The following SDK1 variants were observed in gnomAD, a reference collection of about 807,000 sequenced individuals.
SDK1 encodes sidekick cell adhesion molecule 1.
Under a neutral mutation model 245.5 loss-of-function variants are expected in SDK1, and 157 were observed. The ratio of observed to expected loss-of-function variants is 0.64; its 90% confidence interval spans 0.56 to 0.73. SDK1 has a LOEUF of 0.73. SDK1 is among the 30% of genes least tolerant of loss of function. The probability of loss-of-function intolerance (pLI) is 0.00; values close to 1 mark genes in which losing one functional copy is unlikely to be tolerated. For missense variants in SDK1, 3,583 were observed against 3,002.3 expected (o/e 1.19, Z -4.52); for synonymous variants, 1,647 against 1,278.5 (o/e 1.29, Z -6.15).
chr7:3,942,294 G>A (rs951798257), intron 5 of SDK1, among the ~76,000 whole-genome samples: 3 of 152,084 alleles, frequency 2.0e-5, no homozygotes, highest in Non-Finnish European at 2.9e-5. Context: ...TAAGACATGC[G>A]TCCCTCCTTA....
At chr7:3,759,339 T>G (rs1780026554) in intron 4 of SDK1, among the ~76,000 whole-genome samples, 1 of 152,142 alleles carries the variant, frequency 6.6e-6, no homozygotes, top group African/African-American at 2.4e-5. Flanking sequence ...AGAAACATTT[T>G]TAAAAGAGCA....
rs879129773 is a variant in SDK1 at position 3,951,045 on chromosome 7, C to A, written c.959+11C>A. ...TATAGCCAGTGCCAGGTACGAGGCG[C>A]GTCTCCTGTGAGACTCCTAGTAAAT... On this transcript the variant is annotated intron_variant, in intron 6 of 44. Coordinates refer to ENST00000404826, the MANE Select transcript of SDK1 (RefSeq NM_152744.4). 3 of 1,575,450 alleles carry A rather than the reference C, an allele frequency of 1.9e-6. No individual in the cohort carries two copies. The highest frequency in any genetic ancestry group is 2.6e-6 in the Non-Finnish European group (3 of 1,144,822).
intron 4 of SDK1, among the ~76,000 whole-genome samples, chr7:3,688,353 TG>T (rs1784350728): frequency 1.3e-5 from 2 of 152,248 alleles, no homozygotes; most frequent in Admixed American, 6.5e-5. Context: ...TACCAGTTTC[TG>T]GTCTTACGCC....
At chr7:3,590,854 A>G (rs933735208) in intron 1 of SDK1, among the ~76,000 whole-genome samples, 2 of 144,374 alleles carry the variant, frequency 1.4e-5, no homozygotes, top group African/African-American at 2.6e-5. Context: ...ATGATCGTAG[A>G]TTACTGTGGC....
intron 1 of SDK1, among the ~76,000 whole-genome samples, chr7:3,369,171 A>G (rs553740796): frequency 5.9e-5 from 9 of 151,984 alleles, no homozygotes; most frequent in Non-Finnish European, 2.9e-5. Flanking sequence ...CAGTTTCCTT[A>G]GTAGCTGGGA....
At chr7:3,929,867 T>A (rs10240160) in intron 5 of SDK1, among the ~76,000 whole-genome samples, 59,044 of 152,012 alleles carry the variant, frequency 0.39, 13,030 homozygotes, top group African/African-American at 0.61. Flanking sequence ...TGCAGGCTGT[T>A]CATGGTGCCA....
intron 4 of SDK1, among the ~76,000 whole-genome samples, chr7:3,779,635 AAAGTT>A (rs1780666479): frequency 6.6e-6 from 1 of 152,208 alleles, no homozygotes; most frequent in African/African-American, 2.4e-5. Context: ...AAAAAATAAT[AAAGTT>A]AAGATGATGA....
intron 1 of SDK1, among the ~76,000 whole-genome samples, chr7:3,391,521 A>T (rs1215936325): frequency 6.6e-6 from 1 of 152,146 alleles, no homozygotes; most frequent in African/African-American, 2.4e-5. Context: ...TCTTTCCACA[A>T]AGGAATTATT....
chr7:3,459,097 A>G (rs991390159), intron 1 of SDK1, among the ~76,000 whole-genome samples: 1 of 152,188 alleles, frequency 6.6e-6, no homozygotes, highest in Non-Finnish European at 1.5e-5. Context: ...GACCTGGGAC[A>G]ATTGACATCA....
chr7:3,677,927 C>G (rs1287896168), intron 4 of SDK1, among the ~76,000 whole-genome samples: 1 of 152,106 alleles, frequency 6.6e-6, no homozygotes, highest in Non-Finnish European at 1.5e-5. Flanking sequence ...GTGTAAAGAA[C>G]CCCTACAACT....
intron 4 of SDK1, among the ~76,000 whole-genome samples, chr7:3,789,796 A>G (rs1038675398): frequency 6.6e-6 from 1 of 152,128 alleles, no homozygotes; most frequent in Non-Finnish European, 1.5e-5. Flanking sequence ...CCTTTGCAGG[A>G]TAGAAAGCAC....
At chr7:3,510,429 T>C (rs7808972) in intron 1 of SDK1, among the ~76,000 whole-genome samples, 44,216 of 152,066 alleles carry the variant, frequency 0.29, 6,811 homozygotes, top group African/African-American at 0.35. Context: ...CACTCGGTCT[T>C]CTAAAGGGTC....
intron 20 of SDK1, among the ~76,000 whole-genome samples, chr7:4,075,992 A>G (rs894416736): frequency 6.6e-6 from 1 of 152,138 alleles, no homozygotes; most frequent in Admixed American, 6.5e-5. Flanking sequence ...GTGGAATCCC[A>G]GGTTGAATAA....
intron 35 of SDK1, among the ~76,000 whole-genome samples, chr7:4,197,054 C>T (rs557644423): frequency 6.6e-6 from 1 of 152,194 alleles, no homozygotes; most frequent in African/African-American, 2.4e-5. Flanking sequence ...TGGCCTCCAA[C>T]GATCTGCTGT....
intron 1 of SDK1, among the ~76,000 whole-genome samples, chr7:3,493,327 T>A: frequency 6.6e-6 from 1 of 152,322 alleles, no homozygotes; most frequent in East Asian, 1.9e-4. Context: ...TCAGGACATT[T>A]CTTCACAGCT....
chr7:3,384,161 A>C (rs1215298881), intron 1 of SDK1, among the ~76,000 whole-genome samples: 1 of 152,140 alleles, frequency 6.6e-6, no homozygotes, highest in Non-Finnish European at 1.5e-5. Context: ...GAAAACTTTA[A>C]TATTGTATTA....
At chr7:4,084,662 A>ATATGTTATGTTATGT (rs756197182) in intron 22 of SDK1, among the ~76,000 whole-genome samples, 6 of 140,340 alleles carry the variant, frequency 4.3e-5, no homozygotes, top group African/African-American at 1.3e-4. Context: ...CCTTAAATGT[A>ATATGTTATGTTATGT]TATGTTATGT....
intron 5 of SDK1, among the ~76,000 whole-genome samples, chr7:3,941,045 C>T (rs1780348172): frequency 6.6e-6 from 1 of 151,976 alleles, no homozygotes; most frequent in African/African-American, 2.4e-5. Context: ...GACCCACCAG[C>T]ACTGCCACTC....
At chr7:3,644,167 G>A (rs1170494436) in intron 4 of SDK1, among the ~76,000 whole-genome samples, 1 of 150,602 alleles carries the variant, frequency 6.6e-6, no homozygotes, top group South Asian at 2.1e-4. Flanking sequence ...CTCCCAAAGT[G>A]CTGGGATTAC....
Sources: gnomAD v4.1 joint callset for allele counts (sites outside exome capture counted in the v4.1 genomes callset) on GRCh38, gnomAD v4.1.1 for gene constraint, MANE v1.5 for transcripts, NCBI Gene and HGNC (gene_info 2026-07-23, HGNC 2026-07-21) for gene names.